Variants in GINS4 observed in about 807,000 individuals in gnomAD.
The protein encoded by GINS4 is GINS complex subunit 4.
Under a neutral mutation model 31.1 loss-of-function variants are expected in GINS4, and 20 were observed. The ratio of observed to expected loss-of-function variants is 0.64; its 90% CI spans 0.45 to 0.93. GINS4 has a LOEUF of 0.93. GINS4 is among the 40% of genes least tolerant of loss of function. The pLI is 0.00. For synonymous variants in GINS4, 85 were observed against 97.9 expected (o/e 0.87, Z 0.78); for missense variants, 245 against 273.9 (o/e 0.89, Z 0.75).
At chr8:41,540,269 C>T (rs371838426) in intron 6 of GINS4, 2 of 504,838 alleles carry the variant, frequency 4.0e-6, no homozygotes, top group South Asian at 2.1e-5. Flanking sequence ...GAGCCGCGTT[C>T]GCCTTCAGTA....
chr8:41,539,365 A>G (rs1313461931), intron 4 of GINS4, among the ~76,000 whole-genome samples: 2 of 148,942 alleles, frequency 1.3e-5, no homozygotes, highest in African/African-American at 5.0e-5. Flanking sequence ...TATTAATTGG[A>G]CTGTGGCAAG....
At position 41,530,165 on chromosome 8, in the gene GINS4, G is replaced by T. The variant is rs145541176; in HGVS notation, c.-19-19G>T. The T allele has an allele frequency of 1.4e-4, 203 of 1,418,816 alleles. 1 individual carries two copies. The East Asian group carries it at 3.3e-3, about 23-fold the overall frequency. 87.9% of individuals were successfully genotyped at this position (1,418,816 alleles called of 1,614,324 possible). A position where few individuals can be genotyped will look rare whatever the true frequency, so the allele number is the denominator to read the frequency against. The stretch of plus-strand genomic sequence containing the variant: ...TTAGAAAACGCATTGCAGAGTATTG[G>T]TTCTTTCCCTCTCATTAGGTTCCTG... On this transcript the variant is annotated intron_variant, in intron 1 of 7. Transcript: ENST00000276533.
chr8:41,541,834 C>A lies in GINS4; in HGVS notation c.510C>A (p.Tyr170Ter). 2.5e-6 allele frequency: 4 copies of A among 1,614,058 alleles called. No homozygotes were observed. The highest frequency in any genetic ancestry group is 1.1e-5 in the South Asian group (1 of 91,082). ...TTCCCAAACCAGATCTAGATTCTTA[C>A]GTGTTTCTGAGAGTGAGAGAACGAC... The part of the protein sequence containing the change: ...RAVPKPDLDS[Y>*]VFLRVRERQE... Residue 170 changes from tyrosine (Y) to a stop codon, truncating the protein, a stop_gained, in exon 7 of 8, where the codon TAC (tyrosine) becomes TAA (stop). Coordinates refer to ENST00000276533, the MANE Select transcript of GINS4 (RefSeq NM_032336.3). LOFTEE classifies it high-confidence loss of function.
chr8:41,539,592 G>T, intron 4 of GINS4, 86 bp from the exon 5 acceptor site: 1 of 932,812 alleles, frequency 1.1e-6, no homozygotes, highest in Non-Finnish European at 1.7e-6. Flanking sequence ...CCTCGGGAGG[G>T]TTGTGTAAAC....
chr8:41,535,086 C>G (rs1806719189), intron 2 of GINS4, among the ~76,000 whole-genome samples: 1 of 151,880 alleles, frequency 6.6e-6, no homozygotes, highest in Non-Finnish European at 1.5e-5. Context: ...GCCTCTAACC[C>G]CAGCACTTTG....
At chr8:41,533,223 A>G (rs1806678817) in intron 2 of GINS4, among the ~76,000 whole-genome samples, 1 of 152,218 alleles carries the variant, frequency 6.6e-6, no homozygotes, top group Non-Finnish European at 1.5e-5. Flanking sequence ...TGAGCTGCCA[A>G]AGAAACACTT....
chr8:41,536,312 T>C, intron 2 of GINS4, 48 bp from the exon 3 acceptor site: 1 of 1,156,376 alleles, frequency 8.6e-7, no homozygotes, highest in South Asian at 1.2e-5. Flanking sequence ...CTGGGTTGTT[T>C]AGCTCTGTGG....
rs747443753 is a variant in GINS4 at position 41,539,925 on chromosome 8, G to A, written c.405G>A (p.Ala135=). 4.9e-5 allele frequency: 79 copies of A among 1,613,872 alleles called. No individual in the cohort carries two copies. Among genetic ancestry groups the A allele is most frequent in the East Asian group, 3.6e-4 (16 of 44,878 alleles). The change falls in exon 6 of 8, where the codon GCG becomes GCA. Residue 135 remains alanine, a synonymous_variant. Transcript: ENST00000276533. ...AATCCATGTCTTTCAGGTTCATGGC[G>A]AACACAGAGTCCTATCTGAAAAATG... ...EELAFAREFM[A]NTESYLKNVA...
At chr8:41,533,647 A>G (rs1806688264) in intron 2 of GINS4, among the ~76,000 whole-genome samples, 1 of 152,178 alleles carries the variant, frequency 6.6e-6, no homozygotes, top group Admixed American at 6.5e-5. Flanking sequence ...TATATAGGAT[A>G]CCCTTTAATG....
Position 41,542,049 on chromosome 8 carries a change from G to A in GINS4, c.634G>A (p.Ala212Thr). The A allele has an allele frequency of 6.2e-7, 1 of 1,614,136 alleles. No individual in the cohort carries two copies. Residue 212 changes from alanine to threonine, a missense_variant, in exon 8 of 8, where the codon GCA becomes ACA. Transcript: ENST00000276533. ...SQHLIRYKTI[A>T]PLVASGAVQL... is the part of the protein sequence containing the mutation. ...GCACTTGATCCGATACAAAACCATTGCACCTCTGGTTGCATCTGGAGCTGT... is the reference window on the plus strand; with the variant it reads ...GCACTTGATCCGATACAAAACCATTACACCTCTGGTTGCATCTGGAGCTGT...
Position 41,542,270 on chromosome 8 carries a change from G to C in GINS4, c.*183G>C. On this transcript the variant is annotated 3_prime_UTR_variant, in exon 8 of 8. Transcript: ENST00000276533. ...TTGGTGGTGTGCACCTGTAATCCCA[G>C]CTACTCAGGAGGCCGGGGCAGGAGA... 3.3e-6 allele frequency: 2 copies of C among 602,338 alleles called. No homozygotes were observed. The highest frequency in any genetic ancestry group is 6.0e-6 in the Non-Finnish European group (2 of 333,120). The allele number at this position is 602,338 out of a possible 1,614,324, so 37.3% of individuals were successfully genotyped here. A position where few individuals can be genotyped will look rare whatever the true frequency, so the allele number is the denominator to read the frequency against.
At chr8:41,540,108 T>A in intron 6 of GINS4, 104 bp downstream of exon 6, 1 of 822,422 alleles carries the variant, frequency 1.2e-6, no homozygotes, top group Non-Finnish European at 2.0e-6. Context: ...AGTAAGTATG[T>A]AGATAAACAG....
chr8:41,540,147 C>T lies in GINS4; in HGVS notation c.484+143C>T, dbSNP rs528250439. On this transcript the variant is annotated intron_variant, in intron 6 of 7. Coordinates refer to ENST00000276533, the MANE Select transcript of GINS4 (RefSeq NM_032336.3). The stretch of plus-strand genomic sequence containing the variant: ...GAAGAGCAAGGATTCTAGCTAAAAA[C>T]CAAAAAAATCACGGAAAGCAGATCC... The T allele has an allele frequency of 4.4e-4, 286 of 656,010 alleles. 2 individuals are homozygous for T. Among genetic ancestry groups the T allele is most frequent in the South Asian group, 8.7e-4 (46 of 53,102 alleles). The allele number at this position is 656,010 out of a possible 1,614,324, so 40.6% of individuals were successfully genotyped here.
In GINS4 at chr8:41,541,860, A is replaced by G; in HGVS notation, c.536A>G (p.Gln179Arg). Residue 179 changes from glutamine (Q) to arginine (R), a missense_variant, in exon 7 of 8, where the codon CAA becomes CGA. Coordinates refer to ENST00000276533, the MANE Select transcript of GINS4 (RefSeq NM_032336.3). Reference protein sequence around the residue: ...SYVFLRVRERQENILVEPDTD... With the variant: ...SYVFLRVRERRENILVEPDTD... ...GTGTTTCTGAGAGTGAGAGAACGAC[A>G]AGAAAACATACTGGTAGAACCAGAC... is the stretch of plus-strand genomic sequence containing the variant. 2 of 1,614,238 alleles carry G rather than the reference A, an allele frequency of 1.2e-6. No individual in the cohort carries two copies. The highest frequency in any genetic ancestry group is 1.7e-6 in the Non-Finnish European group (2 of 1,180,022).
rs373246125 is a variant in GINS4 at position 41,539,869 on chromosome 8, G to A, written c.396-47G>A. On this transcript the variant is annotated intron_variant, in intron 5 of 7. Coordinates refer to ENST00000276533, the MANE Select transcript of GINS4 (RefSeq NM_032336.3). ...GCGCTGCTGCCTGCTAACCTTGGACGTCCATCAGCTGTGTACACCACAGCG... is the reference window on the plus strand; with the variant it reads ...GCGCTGCTGCCTGCTAACCTTGGACATCCATCAGCTGTGTACACCACAGCG... 2.6e-5 allele frequency: 41 copies of A among 1,590,568 alleles called. No homozygotes were observed. In the African/African-American group the frequency reaches 3.0e-4, roughly 11 times the overall value.
rs898982205 is a variant in GINS4, at chr8:41,541,981, T to C, written c.576-10T>C. On this transcript the variant is annotated splice_polypyrimidine_tract_variant and intron_variant, in intron 7 of 7. Transcript: ENST00000276533. ...AGCTCTGCAGGCAAATGTGTTTCCCTCTTTTTCAGGGACTACGTGATTGAC... is the reference window on the plus strand; with the variant it reads ...AGCTCTGCAGGCAAATGTGTTTCCCCCTTTTTCAGGGACTACGTGATTGAC... 1.8e-5 allele frequency: 29 copies of C among 1,613,726 alleles called. No individual in the cohort carries two copies. The highest frequency in any genetic ancestry group is 2.5e-5 in the Non-Finnish European group (29 of 1,179,718).
intron 4 of GINS4, chr8:41,537,793 G>A (rs930982234): frequency 6.6e-6 from 1 of 152,244 alleles, no homozygotes; most frequent in African/African-American, 2.4e-5. Flanking sequence ...AGGCTAGGCG[G>A]GTGGATCACC....
intron 4 of GINS4, among the ~76,000 whole-genome samples, chr8:41,539,052 G>A (rs1806789025): frequency 1.3e-5 from 2 of 150,448 alleles, no homozygotes; most frequent in South Asian, 4.3e-4. Context: ...CCAGTTACAG[G>A]CTCACGCCTA....
chr8:41,531,748 C>G (rs1806650762), intron 2 of GINS4, among the ~76,000 whole-genome samples: 1 of 152,086 alleles, frequency 6.6e-6, no homozygotes, highest in South Asian at 2.1e-4. Context: ...GTTTGTGGAA[C>G]AGCATTAAGA....
Sources: allele counts gnomAD v4.1 joint callset (sites outside exome capture counted in the v4.1 genomes callset), GRCh38; gene constraint gnomAD v4.1.1; transcripts MANE v1.5; gene names NCBI Gene and HGNC (gene_info 2026-07-23, HGNC 2026-07-21).